Variants in CEP63 observed in about 807,000 individuals in gnomAD.
CEP63 encodes the protein centrosomal protein 63.
A neutral mutation model predicts 89.1 loss-of-function variants in CEP63; 84 were observed. The ratio of observed to expected loss-of-function variants is 0.94; its 90% CI spans 0.79 to 1.13. CEP63 has a LOEUF of 1.13. CEP63 is among the 50% of genes most tolerant of loss of function. The pLI is 0.00. For synonymous variants in CEP63, 267 were observed against 272.5 expected (o/e 0.98, Z 0.20); for missense variants, 838 against 813.3 (o/e 1.03, Z -0.37).
the CEP63 span, among the ~76,000 whole-genome samples, chr3:134,736,224 T>C: frequency 0.014 from 2,171 of 152,220 alleles, 26 homozygotes; most frequent in Non-Finnish European, 0.025. Context: ...TGTATGTATG[T>C]TCAAAACACC....
At chr3:134,566,933 A>G (rs566864808), downstream of CEP63, among the ~76,000 whole-genome samples, 2 of 152,216 alleles carry the variant, frequency 1.3e-5, no homozygotes, top group Admixed American at 6.5e-5. Flanking sequence ...CTCAAGAAAA[A>G]TGAAAATATA....
chr3:134,602,705 C>T, the CEP63 span, among the ~76,000 whole-genome samples: 14 of 152,310 alleles, frequency 9.2e-5, no homozygotes, highest in African/African-American at 2.4e-4. Context: ...GAGGCCCAGG[C>T]TCTGTGAGGG....
At chr3:134,721,952 G>A in the CEP63 span, among the ~76,000 whole-genome samples, 2 of 152,008 alleles carry the variant, frequency 1.3e-5, no homozygotes, top group Admixed American at 1.3e-4. Context: ...TGATATCTTT[G>A]TCTGGTTTTG....
chr3:134,626,297 G>T, the CEP63 span, among the ~76,000 whole-genome samples: 2 of 152,326 alleles, frequency 1.3e-5, no homozygotes, highest in South Asian at 4.1e-4. Flanking sequence ...AGTCTGGGAA[G>T]AGTAGGGCTA....
chr3:134,731,495 C>T, the CEP63 span, among the ~76,000 whole-genome samples: 1 of 152,112 alleles, frequency 6.6e-6, no homozygotes, highest in Non-Finnish European at 1.5e-5. Flanking sequence ...TTTAAAAACA[C>T]ACTTCTAAAT....
chr3:134,667,604 T>C, the CEP63 span, among the ~76,000 whole-genome samples: 1 of 152,376 alleles, frequency 6.6e-6, no homozygotes, highest in East Asian at 1.9e-4. Context: ...CCTGCACTTC[T>C]AGGTTGTTGC....
the CEP63 span, chr3:134,610,332 G>C: frequency 6.2e-7 from 1 of 1,613,722 alleles, no homozygotes; most frequent in Non-Finnish European, 8.5e-7. Context: ...CTGTCTGGTA[G>C]CCGAAACCCT....
the CEP63 span, among the ~76,000 whole-genome samples, chr3:134,659,423 C>T: frequency 6.6e-6 from 1 of 152,202 alleles, no homozygotes; most frequent in African/African-American, 2.4e-5. Context: ...ATAGTCTTCA[C>T]AATAGCCCAA....
At chr3:134,527,401 T>C (rs1948881741) in intron 3 of CEP63, among the ~76,000 whole-genome samples, 1 of 152,066 alleles carries the variant, frequency 6.6e-6, no homozygotes, top group Non-Finnish European at 1.5e-5. Flanking sequence ...TGCGGCAGTG[T>C]TGGTGCAAGG....
At chr3:134,659,539 C>G in the CEP63 span, among the ~76,000 whole-genome samples, 2 of 152,216 alleles carry the variant, frequency 1.3e-5, no homozygotes, top group Admixed American at 6.5e-5. Context: ...CAGTCCTCCC[C>G]TCAAGCCTAA....
the CEP63 span, among the ~76,000 whole-genome samples, chr3:134,745,173 C>A: frequency 0.01 from 1,569 of 152,272 alleles, 26 homozygotes; most frequent in African/African-American, 0.036. Context: ...CTTGGATGAT[C>A]ATAGGGCTGG....
At chr3:134,629,831 T>C in the CEP63 span, 1 of 629,802 alleles carries the variant, frequency 1.6e-6, no homozygotes, top group Non-Finnish European at 2.8e-6. Context: ...CTTGTTTTTT[T>C]CTTTAAATCA....
the CEP63 span, among the ~76,000 whole-genome samples, chr3:134,768,816 T>C: frequency 2.4e-3 from 369 of 152,322 alleles, 1 homozygote; most frequent in African/African-American, 8.5e-3. Context: ...GGCTGTAAGA[T>C]AGGGAGACTA....
the CEP63 span, among the ~76,000 whole-genome samples, chr3:134,755,457 C>T: frequency 6.6e-6 from 1 of 152,220 alleles, no homozygotes; most frequent in Non-Finnish European, 1.5e-5. Context: ...GCACAGGGCA[C>T]TTTGGCTCTA....
chr3:134,673,428 G>A, the CEP63 span, among the ~76,000 whole-genome samples: 4 of 152,066 alleles, frequency 2.6e-5, no homozygotes, highest in East Asian at 1.9e-4. Flanking sequence ...CCTGCAATGC[G>A]TGGTGCCTTC....
chr3:134,656,498 C>G, the CEP63 span, among the ~76,000 whole-genome samples: 1 of 152,174 alleles, frequency 6.6e-6, no homozygotes, highest in Admixed American at 6.5e-5. Flanking sequence ...AGGGACTGTT[C>G]ACAAGTGTGA....
At chr3:134,650,708 G>A in the CEP63 span, 1 of 951,814 alleles carries the variant, frequency 1.1e-6, no homozygotes, top group Non-Finnish European at 1.5e-6. Flanking sequence ...TGGGGGAGAG[G>A]GTCGGGTTCG....
the CEP63 span, among the ~76,000 whole-genome samples, chr3:134,668,420 A>G: frequency 6.6e-6 from 1 of 152,152 alleles, no homozygotes; most frequent in Non-Finnish European, 1.5e-5. Flanking sequence ...CGGCCTGAAG[A>G]GGAAGCTGAG....
chr3:134,495,818 G>A (rs1939671870), intron 2 of CEP63, among the ~76,000 whole-genome samples: 1 of 152,120 alleles, frequency 6.6e-6, no homozygotes, highest in Non-Finnish European at 1.5e-5. Context: ...ATATGAATGA[G>A]AACATGAGAT....
Sources: allele counts gnomAD v4.1 joint callset (sites outside exome capture counted in the v4.1 genomes callset), GRCh38; gene constraint gnomAD v4.1.1; transcripts MANE v1.5; gene names NCBI Gene and HGNC (gene_info 2026-07-23, HGNC 2026-07-21).